ERC1: variants seen among roughly 807,000 people sequenced by gnomAD.
ERC1 encodes the protein ELKS/RAB6-interacting/CAST family member 1, also known as RAB6 interacting protein 2.
In ERC1, 56 loss-of-function variants were observed where a neutral mutation model predicts 132.0. The ratio of observed to expected loss-of-function variants is 0.42; its 90% CI spans 0.34 to 0.53. The LOEUF (loss-of-function observed/expected upper bound fraction) is 0.53, where lower values mean the gene tolerates loss of function less well. Ranked by LOEUF, ERC1 falls within the 20% of genes least tolerant of loss-of-function variation. The probability of loss-of-function intolerance (pLI) is 0.03; values close to 1 mark genes in which losing one functional copy is unlikely to be tolerated. For synonymous variants in ERC1, 478 were observed against 476.1 expected (o/e 1.00, Z -0.05); for missense variants, 1,202 against 1,349.9 (o/e 0.89, Z 1.72).
intron 17 of ERC1, among the ~76,000 whole-genome samples, chr12:1,440,600 TTGTGTGTGTGTGTGTGTG>T (rs56749397): frequency 0.046 from 2,353 of 51,140 alleles, 121 homozygotes; most frequent in South Asian, 0.13. Flanking sequence ...CCTCAGCCTT[TTGTGTGTGTGTGTGTGTG>T]TGTGTGTGTG....
intron 16 of ERC1, among the ~76,000 whole-genome samples, chr12:1,399,922 G>A (rs2090876641): frequency 6.6e-6 from 1 of 152,184 alleles, no homozygotes; most frequent in Admixed American, 6.5e-5. Context: ...GAATTGCTAA[G>A]TCATATGGTA....
intron 15 of ERC1, among the ~76,000 whole-genome samples, chr12:1,355,914 A>G (rs78285962): frequency 0.01 from 1,532 of 152,194 alleles, 34 homozygotes; most frequent in African/African-American, 0.035. Context: ...GAGATAAAAT[A>G]CTCGGTCCTG....
intron 2 of ERC1, among the ~76,000 whole-genome samples, chr12:1,055,615 AGGG>A (rs1406158149): frequency 6.6e-5 from 10 of 152,230 alleles, no homozygotes; most frequent in African/African-American, 2.4e-4. Flanking sequence ...ATAATATTTT[AGGG>A]GAAATACATG....
At chr12:1,108,778 A>G (rs761540869) in intron 4 of ERC1, among the ~76,000 whole-genome samples, 1 of 152,242 alleles carries the variant, frequency 6.6e-6, no homozygotes, top group Non-Finnish European at 1.5e-5. Flanking sequence ...GAATGAATTT[A>G]TAAAAGACAG....
chr12:1,449,640 G>C (rs960162708), intron 18 of ERC1, among the ~76,000 whole-genome samples: 5 of 151,886 alleles, frequency 3.3e-5, no homozygotes, highest in Non-Finnish European at 5.9e-5. Context: ...CCCAGTCTCG[G>C]GTATTTCTTC....
intron 18 of ERC1, among the ~76,000 whole-genome samples, chr12:1,487,372 A>ATTTTT (rs574707385): frequency 5.2e-5 from 3 of 57,920 alleles, no homozygotes; most frequent in African/African-American, 6.2e-5. Context: ...AAGCATCTAG[A>ATTTTT]TTTTTTTTTT....
intron 2 of ERC1, among the ~76,000 whole-genome samples, chr12:1,078,759 A>C (rs1941725441): frequency 6.6e-6 from 1 of 152,194 alleles, no homozygotes; most frequent in Non-Finnish European, 1.5e-5. Flanking sequence ...AAGAACAAGG[A>C]GAGAGGAGTC....
rs745332542 is a variant in ERC1, at chr12:1,244,495, A to ATGGT, written c.2487+7593_2487+7596dup. The ATGGT allele has an allele frequency of 1.3e-4, 52 of 411,760 alleles. No homozygotes were observed. The African/African-American group carries it at 1.3e-3, about 10-fold the overall frequency. 25.5% of individuals were successfully genotyped at this position (411,760 alleles called of 1,614,324 possible). On this transcript the variant is annotated intron_variant, in intron 13 of 18. Coordinates refer to ENST00000360905, the MANE Select transcript of ERC1 (RefSeq NM_178040.4). ...ATATTCATTAAGTGTTTTGTACTTA[A>ATGGT]TGGTTTGTTTGTTTGTTTGTTTGTT...
At chr12:1,158,610 T>C (rs1951611868) in intron 8 of ERC1, among the ~76,000 whole-genome samples, 3 of 148,454 alleles carry the variant, frequency 2.0e-5, no homozygotes, top group African/African-American at 7.4e-5. Flanking sequence ...TTCTTTTCTT[T>C]TTTTTTTTTT....
At chr12:1,224,179 TTG>T (rs1160617852) in intron 12 of ERC1, among the ~76,000 whole-genome samples, 1 of 152,202 alleles carries the variant, frequency 6.6e-6, no homozygotes, top group African/African-American at 2.4e-5. Context: ...AAGAAAATCA[TTG>T]TGTGTTTTCA....
At chr12:1,092,583 A>G (rs1943389636) in intron 3 of ERC1, among the ~76,000 whole-genome samples, 2 of 152,228 alleles carry the variant, frequency 1.3e-5, no homozygotes, top group Admixed American at 1.3e-4. Context: ...GTATGGAGAA[A>G]GTTATGAAAA....
chr12:1,439,011 A>G (rs1242923494), intron 17 of ERC1, among the ~76,000 whole-genome samples: 2 of 151,896 alleles, frequency 1.3e-5, no homozygotes, highest in Non-Finnish European at 2.9e-5. Flanking sequence ...TTAGTACCCC[A>G]TGAGAAAATA....
intron 12 of ERC1, among the ~76,000 whole-genome samples, chr12:1,206,947 CAGT>C (rs1957400213): frequency 6.6e-6 from 1 of 152,060 alleles, no homozygotes; most frequent in African/African-American, 2.4e-5. Flanking sequence ...TGACCTTGAG[CAGT>C]AGGATATAAA....
intron 17 of ERC1, among the ~76,000 whole-genome samples, chr12:1,413,283 C>G (rs920748638): frequency 2.0e-5 from 3 of 152,118 alleles, no homozygotes; most frequent in South Asian, 2.1e-4. Flanking sequence ...CCTTCACTCT[C>G]CTCTTGGCCT....
intron 12 of ERC1, among the ~76,000 whole-genome samples, chr12:1,199,877 C>T (rs1429208242): frequency 6.6e-6 from 1 of 151,462 alleles, no homozygotes; most frequent in Non-Finnish European, 1.5e-5. Flanking sequence ...CAAAAATCAA[C>T]AAGATTAGCC....
chr12:1,204,508 T>C (rs1463791639), intron 12 of ERC1: 3 of 1,591,490 alleles, frequency 1.9e-6, no homozygotes, highest in South Asian at 2.2e-5. Context: ...CAGTCTCACC[T>C]CAAGGTCAGT....
chr12:1,110,148 G>A (rs764277933), intron 4 of ERC1, 44 bp from the exon 5 acceptor site: 10 of 1,516,134 alleles, frequency 6.6e-6, no homozygotes, highest in Non-Finnish European at 8.0e-6. Context: ...GCTTTTCTGG[G>A]TTTTTGTGAA....
intron 17 of ERC1, among the ~76,000 whole-genome samples, chr12:1,412,438 G>A (rs2091900294): frequency 6.6e-6 from 1 of 152,198 alleles, no homozygotes; most frequent in Admixed American, 6.5e-5. Flanking sequence ...GCCATTTCAG[G>A]AGAGGTGGTA....
rs552339731 is a variant in ERC1, at chr12:1,044,937, A to G, written c.669+16365A>G. ...CCATGAATTATGGAGTGCTTTCCCA[A>G]AAGGAATGTAGTATTGCTGGAAATG... is the stretch of plus-strand genomic sequence containing the variant. On this transcript the variant is annotated intron_variant, in intron 2 of 18. Transcript: ENST00000360905. Among the ~76,000 whole-genome samples the G allele has an allele frequency of 2.0e-5, 3 of 152,218 alleles. No homozygotes were observed. The East Asian group carries it at 5.8e-4, about 29-fold the overall frequency.
Sources: allele counts gnomAD v4.1 joint callset (sites outside exome capture counted in the v4.1 genomes callset), GRCh38; gene constraint gnomAD v4.1.1; transcripts MANE v1.5; gene names NCBI Gene and HGNC (gene_info 2026-07-23, HGNC 2026-07-21).